Variants in GP5 observed in about 807,000 individuals in gnomAD.
The protein encoded by GP5 is glycoprotein V platelet, also known as platelet glycoprotein V.
For missense variants in GP5, 755 were observed against 737.1 expected (o/e 1.02, Z -0.28); for synonymous variants, 382 against 353.9 (o/e 1.08, Z -0.89).
At position 194,396,443 on chromosome 3, in the gene GP5, G is replaced by C. The variant is rs771768294; in HGVS notation, c.*157C>G. 6.5e-6 allele frequency: 4 copies of C among 617,524 alleles called. No homozygotes were observed. Among genetic ancestry groups the C allele is most frequent in the Non-Finnish European group, 1.1e-5 (4 of 351,574 alleles). The allele number at this position is 617,524 out of a possible 1,614,324, so 38.3% of individuals were successfully genotyped here. On this transcript the variant is annotated 3_prime_UTR_variant, in exon 2 of 2. Coordinates refer to ENST00000692618, the MANE Select transcript of GP5 (RefSeq NM_004488.2). The stretch of plus-strand genomic sequence containing the variant: ...GAATGAAGAGCACAGAGCGGAGAGG[G>C]GGAGGAGGAGGGAAAGGAAGGCGTG...
chr3:194,397,721 C>G lies in GP5; in HGVS notation c.562G>C (p.Gly188Arg). ...SGNNLTHLPK[G>R]LLGAQAKLER... ...AGCTTAGCCTGTGCTCCAAGCAACC[C>G]CTTGGGCAGGTGGGTCAGGTTGTTT... is the stretch of plus-strand genomic sequence containing the variant. The change falls in exon 2 of 2, where the codon GGG becomes CGG. Residue 188 changes from glycine (G) to arginine (R), a missense_variant. By Grantham distance (125) the Gly-to-Arg change is moderately radical (BLOSUM62 -2). Coordinates refer to ENST00000692618, the MANE Select transcript of GP5 (RefSeq NM_004488.2). The surrounding 1 kb of genome is among the most constrained non-coding windows in gnomAD (Gnocchi z 7.2). The G allele has an allele frequency of 6.2e-7, 1 of 1,613,896 alleles. No homozygotes were observed. The highest frequency in any genetic ancestry group is 8.5e-7 in the Non-Finnish European group (1 of 1,179,912).
At position 194,398,169 on chromosome 3, in the gene GP5, G is replaced by C; in HGVS notation, c.114C>G (p.Gly38=). The C allele has an allele frequency of 6.2e-7, 1 of 1,612,702 alleles. No individual in the cohort carries two copies. Among genetic ancestry groups the C allele is most frequent in the Non-Finnish European group, 8.5e-7 (1 of 1,179,662 alleles). The change falls in exon 2 of 2, where the codon GGC becomes GGG. Residue 38 remains glycine, a synonymous_variant. Coordinates refer to ENST00000692618, the MANE Select transcript of GP5 (RefSeq NM_004488.2). ...VFRDAAQCSG[G]DVARISALGL... ...CTAGCGCGGAGATGCGCGCCACGTC[G>C]CCCCCCGAGCACTGCGCGGCGTCCC... is the stretch of plus-strand genomic sequence containing the variant.
rs2108672015 is a variant in GP5 at position 194,397,273 on chromosome 3, C to T, written c.1010G>A (p.Gly337Asp). ...GGCGAGCACCTGGAGCTCGCCAAGG[C>T]CCTGGAAGGCGCCCTGCGGAAGCGC... ...LSALPQGAFQ[G>D]LGELQVLALH... Residue 337 changes from glycine (G) to aspartate (D), a missense_variant, in exon 2 of 2, where the codon GGC becomes GAC. Gly to Asp is a moderately conservative substitution (Grantham distance 94, BLOSUM62 -1). Coordinates refer to ENST00000692618, the MANE Select transcript of GP5 (RefSeq NM_004488.2). This position sits in a 1 kb window ranked among gnomAD's most constrained non-coding sequence, Gnocchi z 7.2. 1 of 1,580,428 alleles carries T rather than the reference C, an allele frequency of 6.3e-7. No homozygotes were observed. The highest frequency in any genetic ancestry group is 1.1e-5 in the South Asian group (1 of 88,626).
chr3:194,397,638 G>C lies in GP5; in HGVS notation c.645C>G (p.Asn215Lys). ...RLVSLDSGLL[N>K]SLGALTELQF... Reference sequence around the variant, plus strand: ...GCAGCTCCGTCAGGGCGCCCAGGCTGTTCAACAGCCCCGAATCCAGAGACA... The same window carrying C: ...GCAGCTCCGTCAGGGCGCCCAGGCTCTTCAACAGCCCCGAATCCAGAGACA... Residue 215 changes from asparagine (N) to lysine (K), a missense_variant, in exon 2 of 2, where the codon AAC becomes AAG. Transcript: ENST00000692618. This position sits in a 1 kb window ranked among gnomAD's most constrained non-coding sequence, Gnocchi z 7.2. 7 of 1,614,118 alleles carry C rather than the reference G, an allele frequency of 4.3e-6. No homozygotes were observed. The highest frequency in any genetic ancestry group is 5.9e-6 in the Non-Finnish European group (7 of 1,179,978).
Position 194,397,071 on chromosome 3 carries a change from G to C in GP5, c.1212C>G (p.Gly404=), listed in dbSNP as rs375063501. 1.3e-6 allele frequency: 2 copies of C among 1,596,034 alleles called. No homozygotes were observed. The highest frequency in any genetic ancestry group is 2.2e-5 in the South Asian group (2 of 90,372). The change falls in exon 2 of 2, where the codon GGC becomes GGG. Residue 404 remains glycine (G), a synonymous_variant. Coordinates refer to ENST00000692618, the MANE Select transcript of GP5 (RefSeq NM_004488.2). The surrounding 1 kb of genome is among the most constrained non-coding windows in gnomAD (Gnocchi z 7.2). ...GCCGGGGCAGAGCCCCAAACACGTC[G>C]CCAGGCAGGGTCTCCAGCTGGTTGT... ...LDHNQLETLP[G]DVFGALPRLT...
At position 194,396,999 on chromosome 3, in the gene GP5, G is replaced by C. The variant is rs1174305869; in HGVS notation, c.1284C>G (p.Gly428=). 1.3e-6 allele frequency: 2 copies of C among 1,594,720 alleles called. No individual in the cohort carries two copies. The highest frequency in any genetic ancestry group is 3.4e-5 in the Admixed American group (2 of 59,306). The change falls in exon 2 of 2, where the codon GGC becomes GGG. Residue 428 remains glycine, a synonymous_variant. Transcript: ENST00000692618. ...LGHNSWRCDC[G]LGPFLGWLRQ... ...GCAGCCACCCCAGGAAGGGCCCCAG[G>C]CCACAGTCGCAGCGCCAGGAGTTGT...
chr3:194,396,791 G>GA lies in GP5; in HGVS notation c.1491dup (p.Pro498SerfsTer22). 1 of 1,612,236 alleles carries GA rather than the reference G, an allele frequency of 6.2e-7. No individual in the cohort carries two copies. On this transcript the variant is annotated frameshift_variant, in exon 2 of 2. Transcript: ENST00000692618. LOFTEE classifies it low-confidence loss of function (END_TRUNC). ...CACACCCAGGGTTCTGAGCTGTTGG[G>GA]AGCCAAGGCTGGGTGGACAGGGGCT...
rs904010964 is a variant in GP5 at position 194,396,897 on chromosome 3, G to C, written c.1386C>G (p.Leu462=). Residue 462 remains leucine (L), a synonymous_variant, in exon 2 of 2, where the codon CTC becomes CTG. Coordinates refer to ENST00000692618, the MANE Select transcript of GP5 (RefSeq NM_004488.2). ...CCGCGTCACCCCCCGGCAGGGCCCAGAGCGGCAGGCCGGCGTGCGCCCCAG... is the reference window on the plus strand; with the variant it reads ...CCGCGTCACCCCCCGGCAGGGCCCACAGCGGCAGGCCGGCGTGCGCCCCAG... ...AGPGAHAGLP[L]WALPGGDAEC... 1.4e-5 allele frequency: 21 copies of C among 1,524,384 alleles called. No homozygotes were observed. Among genetic ancestry groups the C allele is most frequent in the Admixed American group, 1.1e-4 (5 of 46,576 alleles). The allele number at this position is 1,524,384 out of a possible 1,614,324, so 94.4% of individuals were successfully genotyped here.
Position 194,397,460 on chromosome 3 carries a change from C to T in GP5, c.823G>A (p.Glu275Lys). Residue 275 changes from glutamate (E) to lysine (K), a missense_variant, in exon 2 of 2, where the codon GAG (glutamate) becomes AAG (lysine). Physicochemically the swap from Glu to Lys is moderately conservative, Grantham distance 56. Coordinates refer to ENST00000692618, the MANE Select transcript of GP5 (RefSeq NM_004488.2). This position sits in a 1 kb window ranked among gnomAD's most constrained non-coding sequence, Gnocchi z 7.2. ...CCCGGGAGCTCTGCCAGCGGGTTCTCGAACAGAGTCAACAGAGTCAGATTG... is the reference window on the plus strand; with the variant it reads ...CCCGGGAGCTCTGCCAGCGGGTTCTTGAACAGAGTCAACAGAGTCAGATTG... Reference protein sequence around the residue: ...SHNLTLLTLFENPLAELPGVL... With the variant: ...SHNLTLLTLFKNPLAELPGVL... 2 of 1,613,580 alleles carry T rather than the reference C, an allele frequency of 1.2e-6. No individual in the cohort carries two copies. The highest frequency in any genetic ancestry group is 2.2e-5 in the South Asian group (2 of 91,068).
In GP5 at chr3:194,395,186, C is replaced by T. The variant is rs1019963189; in HGVS notation, c.*1414G>A. 1.3e-5 allele frequency: 2 copies of T among 152,210 alleles called. No individual in the cohort carries two copies. Among genetic ancestry groups the T allele is most frequent in the Non-Finnish European group, 2.9e-5 (2 of 68,038 alleles). The allele number at this position is 152,210 out of a possible 1,614,324, so 9.4% of individuals were successfully genotyped here. On this transcript the variant is annotated 3_prime_UTR_variant, in exon 2 of 2. Transcript: ENST00000692618. Reference sequence around the variant, plus strand: ...AGAGAATGTAAGCAGGTGTCTTACCCAAAGTCCCATGCAGTTAGTAAGTGG... The same window carrying T: ...AGAGAATGTAAGCAGGTGTCTTACCTAAAGTCCCATGCAGTTAGTAAGTGG...
Position 194,398,243 on chromosome 3 carries a change from G to A in GP5, c.40C>T (p.Leu14=), listed in dbSNP as rs771665773. ...GTLLCAVLGL[L]RAQPFPCPPA... Reference sequence around the variant, plus strand: ...GGACAGGGGAAGGGCTGGGCGCGCAGAAGCCCGAGCACCGCGCACAGTAGA... The same window carrying A: ...GGACAGGGGAAGGGCTGGGCGCGCAAAAGCCCGAGCACCGCGCACAGTAGA... The change falls in exon 2 of 2, where the codon CTG becomes TTG. Residue 14 remains leucine, a synonymous_variant. Coordinates refer to ENST00000692618, the MANE Select transcript of GP5 (RefSeq NM_004488.2). 6.2e-7 allele frequency: 1 copy of A among 1,610,978 alleles called. No homozygotes were observed.
rs1355293988 is a variant in GP5 at position 194,396,947 on chromosome 3, C to G, written c.1336G>C (p.Glu446Gln). The part of the protein sequence containing the change: ...LRQHLGLVGG[E>Q]EPPRCAGPGA... ...GGGCCTGCGCACCGTGGGGGCTCTT[C>G]CCCGCCCACGAGGCCTAGGTGCTGC... Residue 446 changes from glutamate to glutamine, a missense_variant, in exon 2 of 2, where the codon GAA becomes CAA. Physicochemically the swap from Glu to Gln is conservative, Grantham distance 29. Coordinates refer to ENST00000692618, the MANE Select transcript of GP5 (RefSeq NM_004488.2). 2.6e-6 allele frequency: 4 copies of G among 1,542,748 alleles called. No homozygotes were observed. Among genetic ancestry groups the G allele is most frequent in the Non-Finnish European group, 3.5e-6 (4 of 1,148,144 alleles).
At position 194,397,039 on chromosome 3, in the gene GP5, T is replaced by C; in HGVS notation, c.1244A>G (p.Glu415Gly). 1 of 1,597,410 alleles carries C rather than the reference T, an allele frequency of 6.3e-7. No individual in the cohort carries two copies. The highest frequency in any genetic ancestry group is 8.5e-7 in the Non-Finnish European group (1 of 1,178,706). The change falls in exon 2 of 2, where the codon GAG becomes GGG. Residue 415 changes from glutamate to glycine, a missense_variant. Coordinates refer to ENST00000692618, the MANE Select transcript of GP5 (RefSeq NM_004488.2). This position sits in a 1 kb window ranked among gnomAD's most constrained non-coding sequence, Gnocchi z 7.2. Reference protein sequence around the residue: ...DVFGALPRLTEVLLGHNSWRC... With the variant: ...DVFGALPRLTGVLLGHNSWRC... Reference sequence around the variant, plus strand: ...CCAGGAGTTGTGCCCCAACAGGACCTCCGTCAGCCGGGGCAGAGCCCCAAA... The same window carrying C: ...CCAGGAGTTGTGCCCCAACAGGACCCCCGTCAGCCGGGGCAGAGCCCCAAA...
At chr3:194,398,546 T>C (rs925058043) in intron 1 of GP5, among the ~76,000 whole-genome samples, 2 of 152,226 alleles carry the variant, frequency 1.3e-5, no homozygotes, top group Non-Finnish European at 2.9e-5. Flanking sequence ...GAATAGCCAA[T>C]ACTTTAAAGT....
In GP5 at chr3:194,397,696, A is replaced by G. The variant is rs749575320; in HGVS notation, c.587T>C (p.Leu196Pro). 1.9e-6 allele frequency: 3 copies of G among 1,613,900 alleles called. No individual in the cohort carries two copies. The African/African-American group carries it at 4.0e-5, about 22-fold the overall frequency. ...PKGLLGAQAK[L>P]ERLLLHSNRL... The stretch of plus-strand genomic sequence containing the variant: ...GTTCGAGTGGAGCAGAAGTCTCTCG[A>G]GCTTAGCCTGTGCTCCAAGCAACCC... The change falls in exon 2 of 2, where the codon CTC (leucine) becomes CCC (proline). Residue 196 changes from leucine (L) to proline (P), a missense_variant. Leu to Pro is a moderately conservative substitution (Grantham distance 98). Coordinates refer to ENST00000692618, the MANE Select transcript of GP5 (RefSeq NM_004488.2). This position sits in a 1 kb window ranked among gnomAD's most constrained non-coding sequence, Gnocchi z 7.2.
Position 194,397,322 on chromosome 3 carries a change from C to A in GP5, c.961G>T (p.Val321Leu). 6.3e-7 allele frequency: 1 copy of A among 1,594,470 alleles called. No homozygotes were observed. Among genetic ancestry groups the A allele is most frequent in the Non-Finnish European group, 8.5e-7 (1 of 1,176,302 alleles). The change falls in exon 2 of 2, where the codon GTG becomes TTG. Residue 321 changes from valine to leucine, a missense_variant. Coordinates refer to ENST00000692618, the MANE Select transcript of GP5 (RefSeq NM_004488.2). The surrounding 1 kb of genome is among the most constrained non-coding windows in gnomAD (Gnocchi z 7.2). ...GCGCTCAGCCGCGGGCTCAGAGTCA[C>A]CCCTAAGTACCGCAGGCGGCTCAGG... ...RNLSRLRYLG[V>L]TLSPRLSALP...
rs777974837 is a variant in GP5, at chr3:194,397,172, G to T, written c.1111C>A (p.Arg371Ser). ...GLGKLRQVSLRRNRLRALPRA... is the reference protein window; with the variant it reads ...GLGKLRQVSLSRNRLRALPRA... The stretch of plus-strand genomic sequence containing the variant: ...GGCAGGGCGCGCAGCCTGTTGCGGC[G>T]CAGGGACACCTGGCGCAGCTTGCCG... Residue 371 changes from arginine (R) to serine (S), a missense_variant, in exon 2 of 2, where the codon CGC becomes AGC. Transcript: ENST00000692618. The surrounding 1 kb of genome is among the most constrained non-coding windows in gnomAD (Gnocchi z 7.2). 12 of 1,577,342 alleles carry T rather than the reference G, an allele frequency of 7.6e-6. No homozygotes were observed. The Admixed American group carries it at 1.9e-4, about 26-fold the overall frequency.
Position 194,396,744 on chromosome 3 carries a change from G to T in GP5, c.1539C>A (p.Gly513=), listed in dbSNP as rs1389236952. 6.2e-7 allele frequency: 1 copy of T among 1,614,058 alleles called. No homozygotes were observed. Among genetic ancestry groups the T allele is most frequent in the Non-Finnish European group, 8.5e-7 (1 of 1,179,950 alleles). ...PWVWAQPVTT[G]KGQDHSPFWG... is the part of the protein sequence containing the mutation. ...AGAACGGACTATGATCTTGACCTTT[G>T]CCCGTGGTCACCGGCTGGGCCCACA... Residue 513 remains glycine, a synonymous_variant, in exon 2 of 2, where the codon GGC becomes GGA. Transcript: ENST00000692618.
chr3:194,398,956 C>T (rs546642653), intron 1 of GP5, among the ~76,000 whole-genome samples: 4 of 152,118 alleles, frequency 2.6e-5, no homozygotes, highest in Non-Finnish European at 5.9e-5. Context: ...GGCACAGAGG[C>T]ACAGAAAGGC....
Sources: allele counts gnomAD v4.1 joint callset (sites outside exome capture counted in the v4.1 genomes callset), GRCh38; gene constraint gnomAD v4.1.1; non-coding constraint Gnocchi (gnomAD v3.1); transcripts MANE v1.5; gene names NCBI Gene and HGNC (gene_info 2026-07-23, HGNC 2026-07-21).